Variants in ANKFN1 observed in about 807,000 individuals in gnomAD.
ANKFN1 encodes the protein ankyrin repeat and fibronectin type III domain containing 1.
A neutral mutation model predicts 108.7 loss-of-function variants in ANKFN1; 74 were observed. The observed-to-expected ratio is 0.68, with a 90% CI of 0.56 to 0.83. The LOEUF is 0.83. Among genes scored for constraint, ANKFN1 ranks in the 40% least tolerant of loss-of-function variants. The pLI is 0.00. For synonymous variants in ANKFN1, 547 were observed against 516.2 expected (o/e 1.06, Z -0.81); for missense variants, 1,505 against 1,382.3 (o/e 1.09, Z -1.41).
intron 4 of ANKFN1, among the ~76,000 whole-genome samples, chr17:56,113,324 C>G (rs1185037827): frequency 6.6e-6 from 1 of 151,946 alleles, no homozygotes. Flanking sequence ...TGTACAGAAC[C>G]CAAAAAATGA....
At chr17:56,053,501 C>T (rs567430937) in intron 4 of ANKFN1, among the ~76,000 whole-genome samples, 2 of 152,316 alleles carry the variant, frequency 1.3e-5, no homozygotes, top group African/African-American at 4.8e-5. Context: ...CCTTTTATGG[C>T]TAAATAGTAC....
intron 8 of ANKFN1, among the ~76,000 whole-genome samples, chr17:56,380,937 TTCTCCCAGCATGCA>T (rs1487657213): frequency 6.6e-6 from 1 of 152,164 alleles, no homozygotes; most frequent in Non-Finnish European, 1.5e-5. Flanking sequence ...AGAGCAGTGG[TTCTCCCAGCATGCA>T]GCTGGAGATC....
At chr17:56,334,577 T>C (rs188316336) in intron 4 of ANKFN1, among the ~76,000 whole-genome samples, 8 of 152,260 alleles carry the variant, frequency 5.3e-5, no homozygotes, top group African/African-American at 1.9e-4. Flanking sequence ...TGTATACGTA[T>C]TTGCTCATTT....
chr17:56,443,943 C>A (rs2049198222), intron 10 of ANKFN1, among the ~76,000 whole-genome samples: 1 of 152,176 alleles, frequency 6.6e-6, no homozygotes, highest in African/African-American at 2.4e-5. Context: ...TTATGGAACA[C>A]AATTTGCTAT....
At chr17:56,464,958 G>A (rs1028228990) in intron 14 of ANKFN1, among the ~76,000 whole-genome samples, 10 of 152,154 alleles carry the variant, frequency 6.6e-5, no homozygotes, top group African/African-American at 1.4e-4. Flanking sequence ...GTACTGGCCC[G>A]AGAGAGCCAA....
chr17:56,113,130 C>T (rs1332782262), intron 4 of ANKFN1, among the ~76,000 whole-genome samples: 5 of 152,064 alleles, frequency 3.3e-5, no homozygotes, highest in Admixed American at 3.3e-4. Flanking sequence ...CCCTTTTTGC[C>T]ATGCATTCAC....
chr17:56,495,164 G>T (rs993675387), intron 19 of ANKFN1, among the ~76,000 whole-genome samples: 3 of 152,070 alleles, frequency 2.0e-5, no homozygotes, highest in Non-Finnish European at 4.4e-5. Context: ...TTCTCAAAGG[G>T]TTCAAAATAT....
At chr17:56,075,233 T>C (rs563349602) in intron 4 of ANKFN1, among the ~76,000 whole-genome samples, 1 of 152,298 alleles carries the variant, frequency 6.6e-6, no homozygotes, top group South Asian at 2.1e-4. Flanking sequence ...CACATAACCA[T>C]GAGTAGGTCA....
At chr17:56,351,414 G>C (rs2046244377) in intron 5 of ANKFN1, among the ~76,000 whole-genome samples, 2 of 150,776 alleles carry the variant, frequency 1.3e-5, no homozygotes, top group Admixed American at 6.7e-5. Context: ...TAGACAAAGA[G>C]AGAGGAGGAA....
In ANKFN1 at chr17:56,122,644, G is replaced by A. The variant is rs150307650; in HGVS notation, c.288+76319G>A. ...ATTGGAACTCACCACTGCTTCTTCC[G>A]CCCCTGACCAAATGCTAATGGAGGT... On this transcript the variant is annotated intron_variant, in intron 4 of 12. Transcript: ENST00000635860. 3.1e-3 allele frequency among the ~76,000 whole-genome samples: 478 copies of A among 152,174 alleles called. 2 individuals carry two copies. Among genetic ancestry groups the A allele is most frequent in the African/African-American group, 0.011 (452 of 41,530 alleles).
At chr17:56,123,619 C>T (rs561925668) in intron 4 of ANKFN1, among the ~76,000 whole-genome samples, 1 of 152,248 alleles carries the variant, frequency 6.6e-6, no homozygotes, top group East Asian at 1.9e-4. Flanking sequence ...GTGAAAAGCA[C>T]ATTTAAGTGT....
chr17:56,332,002 C>T (rs1006920777), intron 4 of ANKFN1, among the ~76,000 whole-genome samples: 9 of 152,046 alleles, frequency 5.9e-5, no homozygotes, highest in African/African-American at 2.2e-4. Flanking sequence ...CTATAGCAAG[C>T]AATAGAGAAG....
chr17:56,434,247 T>C (rs567269540), intron 8 of ANKFN1, among the ~76,000 whole-genome samples: 3 of 152,260 alleles, frequency 2.0e-5, no homozygotes, highest in South Asian at 4.1e-4. Context: ...GAGTACACGA[T>C]ATATGTAGAG....
intron 3 of ANKFN1, among the ~76,000 whole-genome samples, chr17:56,284,544 C>G (rs1476132988): frequency 2.0e-5 from 3 of 152,108 alleles, no homozygotes; most frequent in Admixed American, 2.0e-4. Context: ...TAGGAAAGCA[C>G]AGCTCAAAAC....
At chr17:56,260,539 A>C (rs1261849219) in intron 3 of ANKFN1, among the ~76,000 whole-genome samples, 1 of 152,128 alleles carries the variant, frequency 6.6e-6, no homozygotes, top group Non-Finnish European at 1.5e-5. Context: ...CAACTAATTC[A>C]TCCCAACCAG....
intron 1 of ANKFN1, among the ~76,000 whole-genome samples, chr17:56,178,875 G>A (rs1321929079): frequency 6.6e-6 from 1 of 152,052 alleles, no homozygotes. Context: ...TAGGATAAAT[G>A]TCCCTTAAAA....
At chr17:56,333,453 A>G (rs970733699) in intron 4 of ANKFN1, among the ~76,000 whole-genome samples, 1 of 152,096 alleles carries the variant, frequency 6.6e-6, no homozygotes, top group African/African-American at 2.4e-5. Flanking sequence ...CTCTTTTAAT[A>G]TATTAAATTA....
At chr17:56,153,744 T>C in intron 1 of ANKFN1, 1 of 637,762 alleles carries the variant, frequency 1.6e-6, no homozygotes, top group Admixed American at 2.8e-5. Context: ...TGTCTTTGTC[T>C]TTTGGGAGGT....
intron 4 of ANKFN1, among the ~76,000 whole-genome samples, chr17:56,052,276 G>A (rs1904791747): frequency 6.6e-6 from 1 of 152,068 alleles, no homozygotes; most frequent in African/African-American, 2.4e-5. Flanking sequence ...GTCTGCGAGG[G>A]CTTATTAGAA....
Sources: gnomAD v4.1 joint callset for allele counts (sites outside exome capture counted in the v4.1 genomes callset) on GRCh38, gnomAD v4.1.1 for gene constraint, MANE v1.5 for transcripts, NCBI Gene and HGNC (gene_info 2026-07-23, HGNC 2026-07-21) for gene names.